PRKAG2: variants seen among roughly 807,000 people sequenced by gnomAD.
PRKAG2 encodes 5'-AMP-activated protein kinase subunit gamma-2.
A neutral mutation model predicts 69.6 loss-of-function variants in PRKAG2; 26 were observed. That is an observed-to-expected ratio of 0.37 (90% CI 0.27 to 0.52). The LOEUF (loss-of-function observed/expected upper bound fraction) is 0.52, where lower values mean the gene tolerates loss of function less well. Ranked by LOEUF, PRKAG2 falls within the 20% of genes least tolerant of loss-of-function variation. PRKAG2 has a pLI of 0.90. For synonymous variants in PRKAG2, 293 were observed against 285.0 expected (o/e 1.03, Z -0.28); for missense variants, 557 against 740.0 (o/e 0.75, Z 2.87).
At chr7:151,860,978 C>T (rs371198452) in intron 1 of PRKAG2, among the ~76,000 whole-genome samples, 25 of 152,156 alleles carry the variant, frequency 1.6e-4, no homozygotes, top group Non-Finnish European at 3.1e-4. Flanking sequence ...GCCACCTCAA[C>T]TCTCTGCAGC....
chr7:151,798,900 T>A (rs1333837969), intron 1 of PRKAG2, among the ~76,000 whole-genome samples: 1 of 152,018 alleles, frequency 6.6e-6, no homozygotes, highest in Non-Finnish European at 1.5e-5. Flanking sequence ...ATTCCCTCCC[T>A]CCTCACCTCT....
At chr7:151,742,348 A>G (rs1257030505) in intron 3 of PRKAG2, among the ~76,000 whole-genome samples, 2 of 152,162 alleles carry the variant, frequency 1.3e-5, no homozygotes, top group East Asian at 3.9e-4. Flanking sequence ...ATGTTTAAAA[A>G]TCCTGACTGT....
chr7:151,827,406 T>C (rs2078926412), intron 1 of PRKAG2, among the ~76,000 whole-genome samples: 1 of 151,944 alleles, frequency 6.6e-6, no homozygotes. Context: ...ACCCAGCTAA[T>C]GTTTGTATTT....
chr7:151,659,481 A>G (rs557333778), intron 4 of PRKAG2, among the ~76,000 whole-genome samples: 1 of 152,330 alleles, frequency 6.6e-6, no homozygotes, highest in Admixed American at 6.5e-5. Flanking sequence ...ATGGATCAGT[A>G]TTTGTGTTGA....
At chr7:151,645,145 GACTT>G (rs951408819) in intron 4 of PRKAG2, among the ~76,000 whole-genome samples, 1 of 152,150 alleles carries the variant, frequency 6.6e-6, no homozygotes, top group Admixed American at 6.5e-5. Flanking sequence ...AGGACCTAGT[GACTT>G]ACTTCTAGCC....
intron 1 of PRKAG2, among the ~76,000 whole-genome samples, chr7:151,864,844 A>G (rs2080021973): frequency 6.6e-6 from 1 of 152,132 alleles, no homozygotes; most frequent in Admixed American, 6.5e-5. Context: ...CCCCAGGACA[A>G]AGCAGTTTCC....
intron 4 of PRKAG2, among the ~76,000 whole-genome samples, chr7:151,669,257 A>G (rs117776465): frequency 6.6e-6 from 1 of 152,092 alleles, no homozygotes; most frequent in South Asian, 2.1e-4. Flanking sequence ...TACTTGAGCT[A>G]TCTACACTAG....
chr7:151,815,539 AACC>A (rs1169627438), intron 1 of PRKAG2, among the ~76,000 whole-genome samples: 1 of 152,070 alleles, frequency 6.6e-6, no homozygotes, highest in African/African-American at 2.4e-5. Context: ...TATTCACAGA[AACC>A]ACAATAAAGT....
Position 151,715,895 on chromosome 7 carries a change from C to T in PRKAG2, c.467-40258G>A, listed in dbSNP as rs973921146. 2.6e-5 allele frequency among the ~76,000 whole-genome samples: 4 copies of T among 152,264 alleles called. No individual in the cohort carries two copies. The South Asian group carries it at 8.3e-4, about 32-fold the overall frequency. ...TCCACTCTCCTCGCTCACAGGGCGG[C>T]GGTCCCATCTCACGGCATCTTAGGC... is the stretch of plus-strand genomic sequence containing the variant. On this transcript the variant is annotated intron_variant, in intron 3 of 15. Transcript: ENST00000287878.
chr7:151,732,096 A>G lies in PRKAG2; in HGVS notation c.466+49056T>C, dbSNP rs141799834. On this transcript the variant is annotated intron_variant, in intron 3 of 15. Transcript: ENST00000287878. ...ACTCCTCTACCTGCCTCAACCTACC[A>G]AAGTGTTGGATCACAGGCATGAGCC... Among the ~76,000 whole-genome samples, 1,115 of 149,526 alleles carry G rather than the reference A, an allele frequency of 7.5e-3. 20 individuals carry two copies. The highest frequency in any genetic ancestry group is 0.026 in the African/African-American group (1,057 of 40,360).
intron 3 of PRKAG2, among the ~76,000 whole-genome samples, chr7:151,725,908 G>C (rs1397793656): frequency 6.6e-6 from 1 of 152,106 alleles, no homozygotes; most frequent in Non-Finnish European, 1.5e-5. Context: ...GATTTTCTTT[G>C]ATTTTTCTAT....
At chr7:151,674,370 T>A (rs535547497) in intron 4 of PRKAG2, among the ~76,000 whole-genome samples, 5 of 152,186 alleles carry the variant, frequency 3.3e-5, no homozygotes, top group African/African-American at 7.2e-5. Flanking sequence ...TTTTAAGCCA[T>A]CCAGTGTGTG....
chr7:151,757,517 A>G (rs186196095), intron 3 of PRKAG2, among the ~76,000 whole-genome samples: 1 of 152,330 alleles, frequency 6.6e-6, no homozygotes, highest in Non-Finnish European at 1.5e-5. Context: ...ACAAACAGAG[A>G]AAATTAAATT....
intron 3 of PRKAG2, among the ~76,000 whole-genome samples, chr7:151,694,949 C>T (rs1475438889): frequency 1.3e-5 from 2 of 152,244 alleles, no homozygotes; most frequent in African/African-American, 4.8e-5. Flanking sequence ...AGCCTGTGCC[C>T]ATGCCTGTCC....
rs114089433 is a variant in PRKAG2 at position 151,697,585 on chromosome 7, T to A, written c.467-21948A>T. Reference sequence around the variant, plus strand: ...ACAATGATGCCCAACCCTCATAAGGTCCACACATGACAGGGTGCCTCCAAT... The same window carrying A: ...ACAATGATGCCCAACCCTCATAAGGACCACACATGACAGGGTGCCTCCAAT... On this transcript the variant is annotated intron_variant, in intron 3 of 15. Coordinates refer to ENST00000287878, the MANE Select transcript of PRKAG2 (RefSeq NM_016203.4). Among the ~76,000 whole-genome samples, 463 of 152,104 alleles carry A rather than the reference T, an allele frequency of 3.0e-3. 2 individuals carry two copies. The highest frequency in any genetic ancestry group is 0.01 in the African/African-American group (425 of 41,484).
chr7:151,711,260 A>AGAGTGCTAGGCTGAGAGTACT (rs72331038), intron 3 of PRKAG2, among the ~76,000 whole-genome samples: 2 of 150,476 alleles, frequency 1.3e-5, no homozygotes, highest in South Asian at 2.1e-4. Flanking sequence ...GAGAGTATGA[A>AGAGTGCTAGGCTGAGAGTACT]GAGTGCTAGG....
chr7:151,791,918 T>G (rs1033103225), intron 1 of PRKAG2, among the ~76,000 whole-genome samples: 1 of 152,206 alleles, frequency 6.6e-6, no homozygotes, highest in Admixed American at 6.5e-5. Context: ...GAAAGACAAG[T>G]GGTATCATCC....
At chr7:151,848,638 C>T (rs1412158796) in intron 1 of PRKAG2, among the ~76,000 whole-genome samples, 1 of 148,474 alleles carries the variant, frequency 6.7e-6, no homozygotes, top group Non-Finnish European at 1.5e-5. Context: ...AATTCTCCTG[C>T]CTCAGCCTCC....
intron 3 of PRKAG2, among the ~76,000 whole-genome samples, chr7:151,779,024 TC>T: frequency 6.6e-6 from 1 of 152,296 alleles, no homozygotes; most frequent in South Asian, 2.1e-4. Context: ...TATGCTTTCT[TC>T]CCCCATAAAT....
Sources: gnomAD v4.1 joint callset for allele counts (sites outside exome capture counted in the v4.1 genomes callset) on GRCh38, gnomAD v4.1.1 for gene constraint, MANE v1.5 for transcripts, NCBI Gene and HGNC (gene_info 2026-07-23, HGNC 2026-07-21) for gene names.